Variants in CSMD1 observed in about 807,000 individuals in gnomAD.
The protein encoded by CSMD1 is CUB and Sushi multiple domains 1, also known as CUB and sushi domain-containing protein 1.
A neutral mutation model predicts 417.5 loss-of-function variants in CSMD1; 213 were observed. The ratio of observed to expected loss-of-function variants is 0.51; its 90% CI spans 0.46 to 0.57. The LOEUF (loss-of-function observed/expected upper bound fraction) is 0.57. Ranked by LOEUF, CSMD1 falls within the 20% of genes least tolerant of loss-of-function variation. The pLI, the probability that CSMD1 is intolerant of heterozygous loss-of-function variation, is 0.00. For synonymous variants in CSMD1, 2,862 were observed against 1,736.8 expected (o/e 1.65, Z -16.11); for missense variants, 6,923 against 4,529.7 (o/e 1.53, Z -15.17).
intron 37 of CSMD1, among the ~76,000 whole-genome samples, chr8:3,165,136 C>T (rs1820127960): frequency 6.6e-6 from 1 of 152,020 alleles, no homozygotes; most frequent in African/African-American, 2.4e-5. Context: ...GTAAAAAGAA[C>T]CATCTTTTCT....
At chr8:3,743,488 G>GA in intron 6 of CSMD1, among the ~76,000 whole-genome samples, 1 of 152,300 alleles carries the variant, frequency 6.6e-6, no homozygotes, top group South Asian at 2.1e-4. Flanking sequence ...TAGAAGACTG[G>GA]AAAAAGTTTC....
intron 23 of CSMD1, among the ~76,000 whole-genome samples, chr8:3,321,837 T>G (rs1806173631): frequency 1.3e-5 from 2 of 152,198 alleles, no homozygotes; most frequent in African/African-American, 4.8e-5. Context: ...GTTTCAAATT[T>G]TAACACTTTC....
At chr8:3,944,453 T>C (rs1223586427) in intron 5 of CSMD1, among the ~76,000 whole-genome samples, 1 of 152,156 alleles carries the variant, frequency 6.6e-6, no homozygotes. Context: ...CCTTTCTAGT[T>C]TTGGTTTTTT....
At chr8:4,308,557 A>G (rs140169372) in intron 3 of CSMD1, among the ~76,000 whole-genome samples, 103 of 152,326 alleles carry the variant, frequency 6.8e-4, no homozygotes, top group East Asian at 5.8e-3. Context: ...TGTCTTCGAT[A>G]TATCTTCCTG....
chr8:3,351,948 T>A (rs1466814043), intron 21 of CSMD1, among the ~76,000 whole-genome samples: 2 of 152,196 alleles, frequency 1.3e-5, no homozygotes, highest in Non-Finnish European at 1.5e-5. Context: ...TGTGTTTGAG[T>A]TAATACCATC....
chr8:4,139,738 G>C lies in CSMD1; in HGVS notation c.416-107639C>G, dbSNP rs555228955. Among the ~76,000 whole-genome samples the C allele has an allele frequency of 1.6e-4, 24 of 151,230 alleles. No individual in the cohort carries two copies. The South Asian group carries it at 4.3e-3, about 27-fold the overall frequency. ...CCCCGAGTGATGCTTGAGTAGATGA[G>C]TACAAAGAACCCAGCAGGGCACAAT... On this transcript the variant is annotated intron_variant, in intron 3 of 69. Coordinates refer to ENST00000635120, the MANE Select transcript of CSMD1 (RefSeq NM_033225.6).
intron 2 of CSMD1, among the ~76,000 whole-genome samples, chr8:4,626,229 A>C (rs780966301): frequency 1.3e-5 from 2 of 152,118 alleles, no homozygotes; most frequent in African/African-American, 2.4e-5. Flanking sequence ...CACAGCCTGC[A>C]TGAAGCAATC....
At chr8:3,721,458 T>C (rs1802170864) in intron 6 of CSMD1, among the ~76,000 whole-genome samples, 1 of 152,206 alleles carries the variant, frequency 6.6e-6, no homozygotes. Flanking sequence ...CATATGGGAC[T>C]GAGTCCATTA....
intron 3 of CSMD1, among the ~76,000 whole-genome samples, chr8:4,220,322 GAGA>G (rs1257965226): frequency 1.3e-5 from 2 of 152,186 alleles, no homozygotes; most frequent in Middle Eastern, 3.2e-3. Flanking sequence ...TTTGAAGCGT[GAGA>G]AGGAGGTTAG....
intron 26 of CSMD1, among the ~76,000 whole-genome samples, chr8:3,273,753 G>T (rs900425551): frequency 6.6e-6 from 1 of 151,582 alleles, no homozygotes; most frequent in Admixed American, 6.6e-5. Context: ...ATGGCAGTTC[G>T]TATTTCTGTG....
At chr8:4,725,974 G>A (rs1379737083) in intron 1 of CSMD1, among the ~76,000 whole-genome samples, 3 of 152,126 alleles carry the variant, frequency 2.0e-5, no homozygotes, top group East Asian at 3.9e-4. Flanking sequence ...AGGATTTACA[G>A]TGGAATTTTG....
chr8:4,228,393 T>G (rs1167093240), intron 3 of CSMD1, among the ~76,000 whole-genome samples: 1 of 152,152 alleles, frequency 6.6e-6, no homozygotes, highest in African/African-American at 2.4e-5. Flanking sequence ...GTCAAGGTTA[T>G]CTATGCCCCA....
chr8:4,713,539 C>A (rs1314184725), intron 1 of CSMD1, among the ~76,000 whole-genome samples: 1 of 152,120 alleles, frequency 6.6e-6, no homozygotes, highest in African/African-American at 2.4e-5. Context: ...GTAGCTGGGA[C>A]TACAGGCGGC....
At chr8:4,603,133 G>A (rs1017573231) in intron 2 of CSMD1, among the ~76,000 whole-genome samples, 2 of 151,852 alleles carry the variant, frequency 1.3e-5, no homozygotes, top group African/African-American at 2.4e-5. Flanking sequence ...AATTTTTTAT[G>A]GAGACATAGC....
At chr8:3,375,658 G>C (rs1242208660) in intron 18 of CSMD1, among the ~76,000 whole-genome samples, 1 of 152,150 alleles carries the variant, frequency 6.6e-6, no homozygotes, top group Non-Finnish European at 1.5e-5. Context: ...AAGGAGGGGA[G>C]TAAATTGGGG....
At chr8:4,144,843 G>A (rs1173795681) in intron 3 of CSMD1, among the ~76,000 whole-genome samples, 3 of 150,772 alleles carry the variant, frequency 2.0e-5, no homozygotes, top group African/African-American at 7.5e-5. Context: ...CACAATGCAG[G>A]GAACCAGGGG....
chr8:3,594,460 A>C (rs1267508588), intron 8 of CSMD1, among the ~76,000 whole-genome samples: 1 of 152,144 alleles, frequency 6.6e-6, no homozygotes, highest in East Asian at 1.9e-4. Context: ...AAAAACCACC[A>C]CAGCAAAACC....
In CSMD1 at chr8:3,107,548, G is replaced by A. The variant is rs1585367138; in HGVS notation, c.6835+170C>T. Reference sequence around the variant, plus strand: ...GACAGACATTTTCTATTTGATACATGACCTCCGTATAAGTTCTCAGCAATA... The same window carrying A: ...GACAGACATTTTCTATTTGATACATAACCTCCGTATAAGTTCTCAGCAATA... On this transcript the variant is annotated intron_variant, in intron 45 of 69. Transcript: ENST00000635120. Among the ~76,000 whole-genome samples, 3 of 152,174 alleles carry A rather than the reference G, an allele frequency of 2.0e-5. No individual in the cohort carries two copies. The Middle Eastern group carries it at 0.01, about 518-fold the overall frequency.
intron 5 of CSMD1, among the ~76,000 whole-genome samples, chr8:3,785,235 G>T (rs543144042): frequency 6.6e-6 from 1 of 152,234 alleles, no homozygotes; most frequent in Non-Finnish European, 1.5e-5. Context: ...ATCACAGTTT[G>T]TGAAATGCTC....
Sources: allele counts gnomAD v4.1 joint callset (sites outside exome capture counted in the v4.1 genomes callset), GRCh38; gene constraint gnomAD v4.1.1; transcripts MANE v1.5; gene names NCBI Gene and HGNC (gene_info 2026-07-23, HGNC 2026-07-21).